The following KAZN variants were observed in gnomAD, a reference collection of about 807,000 sequenced individuals.
The protein encoded by KAZN is kazrin, periplakin interacting protein, also known as kazrin.
In KAZN, 40 loss-of-function variants were observed where a neutral mutation model predicts 87.4. That is an observed-to-expected ratio of 0.46 (90% CI 0.36 to 0.60). KAZN has a LOEUF of 0.60. KAZN is among the 20% of genes least tolerant of loss of function. The probability of loss-of-function intolerance (pLI) is 0.00; values close to 1 mark genes in which losing one functional copy is unlikely to be tolerated. For synonymous variants in KAZN, 466 were observed against 458.3 expected (o/e 1.02, Z -0.22); for missense variants, 898 against 1,073.9 (o/e 0.84, Z 2.29).
chr1:14,858,203 C>CTTTTTTTTTTTTTTTTTTTTTTTTTTTTT (rs1388659468), intron 1 of KAZN, among the ~76,000 whole-genome samples: 6 of 95,102 alleles, frequency 6.3e-5, no homozygotes, highest in African/African-American at 2.1e-4. Flanking sequence ...TTTCTTTTTT[C>CTTTTTTTTTTTTTTTTTTTTTTTTTTTTT]TTTTTCTTTT....
intron 1 of KAZN, among the ~76,000 whole-genome samples, chr1:14,043,676 G>C (rs1441684962): frequency 6.6e-6 from 1 of 151,884 alleles, no homozygotes; most frequent in Non-Finnish European, 1.5e-5. Context: ...CTTTTCAAAG[G>C]TATGTGCTTA....
At chr1:14,287,939 T>C (rs1653382426) in intron 2 of KAZN, among the ~76,000 whole-genome samples, 1 of 139,748 alleles carries the variant, frequency 7.2e-6, no homozygotes, top group South Asian at 2.3e-4. Flanking sequence ...GAGATAATCA[T>C]GTGGTTTTTG....
chr1:15,057,586 A>G (rs984492769), intron 5 of KAZN, among the ~76,000 whole-genome samples: 1 of 152,108 alleles, frequency 6.6e-6, no homozygotes, highest in African/African-American at 2.4e-5. Context: ...GTCTGACCCA[A>G]GGTGGTGTGA....
intron 2 of KAZN, among the ~76,000 whole-genome samples, chr1:14,986,293 G>A (rs866006118): frequency 3.3e-5 from 5 of 152,224 alleles, no homozygotes; most frequent in South Asian, 4.1e-4. Context: ...GGCGGTCCTC[G>A]TCCTGAGTGC....
chr1:14,571,866 A>G (rs60969593), intron 2 of KAZN, among the ~76,000 whole-genome samples: 59 of 152,286 alleles, frequency 3.9e-4, no homozygotes, highest in African/African-American at 8.7e-4. Context: ...TTGAGTTAGC[A>G]CCAGAGTGGG....
chr1:14,304,655 C>A, intron 2 of KAZN: 1 of 398,478 alleles, frequency 2.5e-6, no homozygotes, highest in Non-Finnish European at 4.4e-6. Flanking sequence ...CAGCAGGCTT[C>A]TGAAACCGGT....
intron 1 of KAZN, among the ~76,000 whole-genome samples, chr1:14,824,606 T>C (rs1280016896): frequency 2.0e-5 from 3 of 152,042 alleles, no homozygotes; most frequent in Admixed American, 6.6e-5. Context: ...GAGGGTTAAG[T>C]AAAAAAAGAT....
At chr1:15,049,320 C>G (rs1674048268) in intron 4 of KAZN, among the ~76,000 whole-genome samples, 1 of 152,256 alleles carries the variant, frequency 6.6e-6, no homozygotes. Flanking sequence ...CGCGGCTTCT[C>G]CAGCACGGGA....
intron 2 of KAZN, among the ~76,000 whole-genome samples, chr1:14,365,243 T>C (rs1285759180): frequency 6.6e-6 from 1 of 151,718 alleles, no homozygotes; most frequent in African/African-American, 2.4e-5. Context: ...GAGACGGGTT[T>C]TCACCATGTT....
intron 1 of KAZN, among the ~76,000 whole-genome samples, chr1:14,052,114 C>T (rs1642365077): frequency 1.3e-5 from 2 of 152,172 alleles, no homozygotes; most frequent in South Asian, 4.1e-4. Flanking sequence ...AAATCTCAGG[C>T]TCTTCCTGAC....
At chr1:15,107,888 G>C (rs1216323448) in intron 13 of KAZN, among the ~76,000 whole-genome samples, 4 of 152,214 alleles carry the variant, frequency 2.6e-5, no homozygotes, top group East Asian at 1.9e-4. Flanking sequence ...TTGTAGCTTT[G>C]TTCCAAAGGT....
chr1:14,834,888 A>T (rs1303527074), intron 1 of KAZN, among the ~76,000 whole-genome samples: 1 of 152,226 alleles, frequency 6.6e-6, no homozygotes. Flanking sequence ...TGGATTCAGT[A>T]GATTTAAAGT....
chr1:13,939,257 C>G (rs1640849055), intron 1 of KAZN, among the ~76,000 whole-genome samples: 1 of 152,212 alleles, frequency 6.6e-6, no homozygotes, highest in Non-Finnish European at 1.5e-5. Context: ...TAAGCAATTT[C>G]TTTGCTCCTG....
At chr1:14,137,701 C>CTTTTTTTT (rs35819477) in intron 1 of KAZN, among the ~76,000 whole-genome samples, 3 of 65,060 alleles carry the variant, frequency 4.6e-5, no homozygotes, top group Non-Finnish European at 7.8e-5. Context: ...AAATATAAGG[C>CTTTTTTTT]TTTTTTTTTT....
chr1:14,399,193 T>A (rs1253894835), intron 2 of KAZN, among the ~76,000 whole-genome samples: 2 of 151,984 alleles, frequency 1.3e-5, no homozygotes, highest in African/African-American at 4.8e-5. Flanking sequence ...ATTTATTTAT[T>A]TTTAGTGGAG....
intron 1 of KAZN, among the ~76,000 whole-genome samples, chr1:14,753,790 TGCATATGCCCAGTGGGCAAGCAG>T: frequency 6.6e-6 from 1 of 152,168 alleles, no homozygotes; most frequent in African/African-American, 2.4e-5. Flanking sequence ...CACACTAGAA[TGCATATGCCCAGTGGGCAAGCAG>T]GCCTGTTTCC....
intron 2 of KAZN, among the ~76,000 whole-genome samples, chr1:14,382,984 T>C (rs1243371451): frequency 6.6e-6 from 1 of 150,530 alleles, no homozygotes; most frequent in African/African-American, 2.4e-5. Flanking sequence ...GCACCTGTTG[T>C]TTCCTGACTT....
intron 2 of KAZN, among the ~76,000 whole-genome samples, chr1:14,405,017 A>C (rs1372269274): frequency 6.6e-6 from 1 of 152,160 alleles, no homozygotes; most frequent in Non-Finnish European, 1.5e-5. Context: ...ACATTGCATT[A>C]AGGCAGCTAA....
At chr1:14,961,576 A>G (rs1488407462) in intron 2 of KAZN, among the ~76,000 whole-genome samples, 3 of 152,228 alleles carry the variant, frequency 2.0e-5, no homozygotes. Flanking sequence ...GTTGGAAGCC[A>G]TCATGTAACC....
Sources: allele counts gnomAD v4.1 joint callset (sites outside exome capture counted in the v4.1 genomes callset), GRCh38; gene constraint gnomAD v4.1.1; transcripts MANE v1.5; gene names NCBI Gene and HGNC (gene_info 2026-07-23, HGNC 2026-07-21).